The following NMNAT2 variants were observed in gnomAD, a reference collection of about 807,000 sequenced individuals.
The protein encoded by NMNAT2 is nicotinamide nucleotide adenylyltransferase 2.
Under a neutral mutation model 41.6 loss-of-function variants are expected in NMNAT2, and 11 were observed. The observed-to-expected ratio is 0.26, with a 90% confidence interval of 0.17 to 0.44. NMNAT2 has a LOEUF of 0.44. Ranked by LOEUF, NMNAT2 falls within the 20% of genes least tolerant of loss-of-function variation. The probability of loss-of-function intolerance (pLI) is 1.00; values close to 1 mark genes in which losing one functional copy is unlikely to be tolerated. For synonymous variants in NMNAT2, 148 were observed against 151.2 expected, an observed-to-expected ratio of 0.98 and a Z score of 0.16; for missense variants, 288 against 407.7, an observed-to-expected ratio of 0.71 and a Z score of 2.53.
At chr1:183,349,534 A>T (rs1410890111) in intron 1 of NMNAT2, among the ~76,000 whole-genome samples, 1 of 152,234 alleles carries the variant, frequency 6.6e-6, no homozygotes, top group Admixed American at 6.5e-5. Context: ...TGAAGTCTGC[A>T]TTTTACAGTC....
At chr1:183,406,396 G>A (rs1648954873) in intron 1 of NMNAT2, among the ~76,000 whole-genome samples, 1 of 152,112 alleles carries the variant, frequency 6.6e-6, no homozygotes, top group Non-Finnish European at 1.5e-5. Context: ...GGATCTCGAG[G>A]AAAAGAACTA....
intron 1 of NMNAT2, among the ~76,000 whole-genome samples, chr1:183,337,303 C>T (rs79169421): frequency 0.014 from 2,129 of 152,060 alleles, 63 homozygotes; most frequent in African/African-American, 0.049. Context: ...GAGAGAAAAT[C>T]CTGCTGTTTA....
chr1:183,343,979 T>G (rs908109675), intron 1 of NMNAT2, among the ~76,000 whole-genome samples: 2 of 152,194 alleles, frequency 1.3e-5, no homozygotes, highest in African/African-American at 4.8e-5. Flanking sequence ...ATTCTCCAAA[T>G]GAGTCACAAA....
Position 183,381,913 on chromosome 1 carries a change from G to A in NMNAT2, c.85+36270C>T, listed in dbSNP as rs76019105. 4.7e-3 allele frequency among the ~76,000 whole-genome samples: 715 copies of A among 152,264 alleles called. 7 individuals carry two copies. The highest frequency in any genetic ancestry group is 5.1e-3 in the Non-Finnish European group (346 of 68,020). On this transcript the variant is annotated intron_variant, in intron 1 of 10. Coordinates refer to ENST00000287713, the MANE Select transcript of NMNAT2 (RefSeq NM_015039.4). ...AATCTTGTTCTAGATCACATAGCTGGTAAAGAACAGAAACAGATCCAAACC... is the reference window on the plus strand; with the variant it reads ...AATCTTGTTCTAGATCACATAGCTGATAAAGAACAGAAACAGATCCAAACC...
At chr1:183,376,073 T>C (rs1447580130) in intron 1 of NMNAT2, among the ~76,000 whole-genome samples, 1 of 152,216 alleles carries the variant, frequency 6.6e-6, no homozygotes, top group East Asian at 1.9e-4. Context: ...TAGGAAGTAC[T>C]GGGGAACACC....
At chr1:183,349,588 G>T (rs538550678) in intron 1 of NMNAT2, among the ~76,000 whole-genome samples, 3 of 152,242 alleles carry the variant, frequency 2.0e-5, no homozygotes, top group African/African-American at 7.2e-5. Flanking sequence ...CAAGAGCTGC[G>T]TCTTTGCATG....
intron 1 of NMNAT2, among the ~76,000 whole-genome samples, chr1:183,348,933 G>A (rs926825735): frequency 6.6e-6 from 1 of 152,144 alleles, no homozygotes; most frequent in African/African-American, 2.4e-5. Flanking sequence ...GAGAGATATG[G>A]CACCAGGTTA....
At chr1:183,383,540 A>G (rs2101917168) in intron 1 of NMNAT2, among the ~76,000 whole-genome samples, 1 of 152,286 alleles carries the variant, frequency 6.6e-6, no homozygotes, top group South Asian at 2.1e-4. Context: ...AGTTTCAGAT[A>G]ACCTCTTTGC....
chr1:183,409,917 T>C (rs921656168), intron 1 of NMNAT2, among the ~76,000 whole-genome samples: 2 of 152,206 alleles, frequency 1.3e-5, no homozygotes, highest in Admixed American at 6.5e-5. Context: ...GCTTGTTTGT[T>C]GTTATTTTGG....
chr1:183,381,882 A>C (rs1022766968), intron 1 of NMNAT2, among the ~76,000 whole-genome samples: 6 of 152,202 alleles, frequency 3.9e-5, no homozygotes, highest in Non-Finnish European at 8.8e-5. Flanking sequence ...AAGCAGAGAG[A>C]ATAACAATCT....
chr1:183,255,279 C>T (rs1660486940), intron 10 of NMNAT2, among the ~76,000 whole-genome samples: 1 of 152,154 alleles, frequency 6.6e-6, no homozygotes, highest in South Asian at 2.1e-4. Context: ...CTCTATGTGT[C>T]TGCTTTTATG....
intron 1 of NMNAT2, among the ~76,000 whole-genome samples, chr1:183,326,212 C>A (rs1353899426): frequency 2.3e-4 from 35 of 151,872 alleles, no homozygotes; most frequent in Admixed American, 1.3e-4. Flanking sequence ...CCTGCCTGTA[C>A]TAAAAATACA....
chr1:183,414,824 A>G (rs1649210519), intron 1 of NMNAT2, among the ~76,000 whole-genome samples: 1 of 152,198 alleles, frequency 6.6e-6, no homozygotes, highest in African/African-American at 2.4e-5. Context: ...TTTGAATGTC[A>G]CTTCTCTTTT....
At chr1:183,265,241 C>CTCTTCT (rs1360548200) in intron 8 of NMNAT2, among the ~76,000 whole-genome samples, 5 of 134,138 alleles carry the variant, frequency 3.7e-5, no homozygotes, top group African/African-American at 1.2e-4. Flanking sequence ...AATAGAAATT[C>CTCTTCT]TCTTCTTCTT....
intron 1 of NMNAT2, among the ~76,000 whole-genome samples, chr1:183,295,603 A>T (rs1159218865): frequency 6.6e-6 from 1 of 152,166 alleles, no homozygotes; most frequent in African/African-American, 2.4e-5. Context: ...TGACAATTGT[A>T]TCCTTCATTA....
intron 8 of NMNAT2, among the ~76,000 whole-genome samples, chr1:183,261,867 A>G (rs1660667665): frequency 6.6e-6 from 1 of 152,180 alleles, no homozygotes; most frequent in African/African-American, 2.4e-5. Flanking sequence ...GATGATGATT[A>G]GGGTCACTTC....
chr1:183,288,585 G>A (rs1395337657), intron 4 of NMNAT2, among the ~76,000 whole-genome samples: 1 of 152,224 alleles, frequency 6.6e-6, no homozygotes, highest in Admixed American at 6.5e-5. Context: ...ATGATAGCCA[G>A]GCTTTCTGGC....
chr1:183,400,168 C>G (rs924588259), intron 1 of NMNAT2, among the ~76,000 whole-genome samples: 20 of 152,254 alleles, frequency 1.3e-4, no homozygotes, highest in Admixed American at 1.3e-4. Flanking sequence ...AAAACCCCAT[C>G]GTCTCAGCCC....
intron 4 of NMNAT2, among the ~76,000 whole-genome samples, chr1:183,287,106 C>A (rs1661420456): frequency 6.6e-6 from 1 of 152,094 alleles, no homozygotes; most frequent in African/African-American, 2.4e-5. Flanking sequence ...ATATATCTGT[C>A]TTTTTCAGTT....
Sources: allele counts gnomAD v4.1 joint callset (sites outside exome capture counted in the v4.1 genomes callset), GRCh38; gene constraint gnomAD v4.1.1; transcripts MANE v1.5; gene names NCBI Gene and HGNC (gene_info 2026-07-23, HGNC 2026-07-21).